The following CROCC2 variants were observed in gnomAD, a reference collection of about 807,000 sequenced individuals.
CROCC2 encodes ciliary rootlet coiled-coil protein 2.
A neutral mutation model predicts 177.6 loss-of-function variants in CROCC2; 163 were observed. That is an observed-to-expected ratio of 0.92 (90% CI 0.81 to 1.05). The LOEUF is 1.05. CROCC2 is among the 50% of genes least tolerant of loss of function. The pLI, the probability that CROCC2 is intolerant of heterozygous loss-of-function variation, is 0.00. For synonymous variants in CROCC2, 904 were observed against 787.3 expected, an observed-to-expected ratio of 1.15 and a Z score of -2.48; for missense variants, 1,929 against 1,797.8, an observed-to-expected ratio of 1.07 and a Z score of -1.32.
At chr2:240,989,590 G>A (rs2059863305) in intron 29 of CROCC2, 64 bp from the exon 30 acceptor site, 1 of 1,462,026 alleles carries the variant, frequency 6.8e-7, no homozygotes, top group South Asian at 1.3e-5. Context: ...TGGCACTCCT[G>A]CCCTGGGATT....
At chr2:240,969,912 A>G (rs1444027244) in intron 27 of CROCC2, among the ~76,000 whole-genome samples, 2 of 152,166 alleles carry the variant, frequency 1.3e-5, no homozygotes, top group African/African-American at 4.8e-5. Flanking sequence ...TATTTTTAGT[A>G]GAGACAGGTT....
rs1021568906 is a variant in CROCC2 at position 240,958,598 on chromosome 2, G to A, written c.2944-703G>A. On this transcript the variant is annotated intron_variant, in intron 19 of 31. Transcript: ENST00000690015. This position sits in a 1 kb window ranked among gnomAD's most constrained non-coding sequence, Gnocchi z 6.7. ...AGCCGCCCCCCGCCAGCCGCCTGCT[G>A]CTGCCTGGAGGCTTGGTCCAGTCCC... 3 of 985,152 alleles carry A rather than the reference G, an allele frequency of 3.0e-6. No homozygotes were observed. In the African/African-American group the frequency reaches 5.2e-5, roughly 17 times the overall value. 61.0% of individuals were successfully genotyped at this position (985,152 alleles called of 1,614,324 possible).
At chr2:240,954,717 G>A (rs755085763) in intron 18 of CROCC2, 1 of 152,210 alleles carries the variant, frequency 6.6e-6, no homozygotes, top group Non-Finnish European at 1.5e-5. Flanking sequence ...CTGGGAGGTT[G>A]GGCTGACATC....
Position 240,968,150 on chromosome 2 carries a change from C to G in CROCC2, c.4289C>G (p.Ala1430Gly), listed in dbSNP as rs771368144. Residue 1430 changes from alanine (A) to glycine (G), a missense_variant, in exon 27 of 32, where the codon GCG becomes GGG. Ala to Gly is a moderately conservative substitution (Grantham distance 60). Around this residue, in one of 3 missense-constraint regions of CROCC2, gnomAD observed 388 missense variants for 352.7 expected, o/e 1.10. Coordinates refer to ENST00000690015, the MANE Select transcript of CROCC2 (RefSeq NM_001351305.2). The part of the protein sequence containing the change: ...AEEGQRRVEG[A>G]LSSARAARAL... ...ACAGGCCAGCGCCGGGTGGAGGGCG[C>G]GCTGAGCAGCGCCCGGGCAGCACGT... The G allele has an allele frequency of 1.3e-6, 2 of 1,510,006 alleles. No individual in the cohort carries two copies. The highest frequency in any genetic ancestry group is 2.8e-5 in the African/African-American group (2 of 71,818). The allele number at this position is 1,510,006 out of a possible 1,614,324, so 93.5% of individuals were successfully genotyped here.
At chr2:240,990,019 G>A (rs1346891416) in intron 30 of CROCC2, among the ~76,000 whole-genome samples, 186 bp downstream of exon 30, 2 of 152,200 alleles carry the variant, frequency 1.3e-5, no homozygotes. Context: ...GACGGCACGA[G>A]GTTTATCCCA....
At chr2:240,910,912 C>G (rs1026641650) in intron 1 of CROCC2, among the ~76,000 whole-genome samples, 4 of 152,132 alleles carry the variant, frequency 2.6e-5, no homozygotes, top group Non-Finnish European at 4.4e-5. Flanking sequence ...GGGCGGATCG[C>G]TTGAGGTCAG....
At chr2:240,933,101 A>G (rs1224699981) in intron 9 of CROCC2, 30 bp from the exon 10 acceptor site, 2 of 1,548,956 alleles carry the variant, frequency 1.3e-6, no homozygotes, top group Non-Finnish European at 8.7e-7. Context: ...CCTAGGCCAG[A>G]GAGGCCCACA....
chr2:240,964,393 C>T (rs2059662763), intron 21 of CROCC2, 73 bp from the exon 22 acceptor site: 1 of 1,526,950 alleles, frequency 6.5e-7, no homozygotes. Flanking sequence ...CTAGGGGAGG[C>T]AGAGACCTGC....
intron 9 of CROCC2, 84 bp from the exon 10 acceptor site, chr2:240,933,047 C>G: frequency 6.5e-7 from 1 of 1,527,108 alleles, no homozygotes; most frequent in Non-Finnish European, 8.9e-7. Context: ...GGTGTCCTTT[C>G]TGGGGAGTCG....
chr2:240,985,684 A>C (rs1559192809), intron 28 of CROCC2, among the ~76,000 whole-genome samples: 2 of 63,784 alleles, frequency 3.1e-5, no homozygotes, highest in African/African-American at 1.5e-4. Flanking sequence ...CACTCACTCC[A>C]CACACACCCA....
intron 14 of CROCC2, among the ~76,000 whole-genome samples, chr2:240,945,492 T>A (rs915571268): frequency 6.6e-6 from 1 of 152,136 alleles, no homozygotes; most frequent in Non-Finnish European, 1.5e-5. Flanking sequence ...AAGTTCTTCT[T>A]GGCATCTCAA....
At position 240,934,413 on chromosome 2, in the gene CROCC2, G is replaced by A; in HGVS notation, c.1729G>A (p.Ala577Thr). 1 of 1,548,704 alleles carries A rather than the reference G, an allele frequency of 6.5e-7. No homozygotes were observed. The highest frequency in any genetic ancestry group is 8.7e-7 in the Non-Finnish European group (1 of 1,146,902). ...ATCGGTCCGGGAGGCACTGAGCACAGCACAGCTGCAGCGGGATGTCGTGGA... is the reference window on the plus strand; with the variant it reads ...ATCGGTCCGGGAGGCACTGAGCACAACACAGCTGCAGCGGGATGTCGTGGA... ...LASVREALST[A>T]QLQRDVVESE... The change falls in exon 12 of 32, where the codon GCA becomes ACA. Residue 577 changes from alanine to threonine, a missense_variant. Around this residue, in one of 3 missense-constraint regions of CROCC2, gnomAD observed 1,397 missense variants for 1,239.9 expected, o/e 1.13. Coordinates refer to ENST00000690015, the MANE Select transcript of CROCC2 (RefSeq NM_001351305.2).
In CROCC2 at chr2:240,949,677, C is replaced by T. The variant is rs769660888; in HGVS notation, c.2627C>T (p.Ala876Val). The T allele has an allele frequency of 1.6e-5, 24 of 1,548,236 alleles. No individual in the cohort carries two copies. In the African/African-American group the frequency reaches 2.9e-4, roughly 19 times the overall value. Residue 876 changes from alanine to valine, a missense_variant, in exon 17 of 32, where the codon GCC (alanine) becomes GTC (valine). By Grantham distance (64) the Ala-to-Val change is moderately conservative. This residue lies in a region of CROCC2 where 1,397 missense variants were observed against 1,239.9 expected (regional missense o/e 1.13). Transcript: ENST00000690015. This position sits in a 1 kb window ranked among gnomAD's most constrained non-coding sequence, Gnocchi z 4.5. ...LESQALAHRE[A>V]LAQLQREKET... Reference sequence around the variant, plus strand: ...AGCCAGGCGTTGGCCCACCGAGAGGCCCTGGCACAGCTCCAAAGGGAGAAG... The same window carrying T: ...AGCCAGGCGTTGGCCCACCGAGAGGTCCTGGCACAGCTCCAAAGGGAGAAG...
At position 240,973,943 on chromosome 2, in the gene CROCC2, C is replaced by T. The variant is rs2059741122; in HGVS notation, c.4401+5681C>T. On this transcript the variant is annotated intron_variant, in intron 27 of 31. Coordinates refer to ENST00000690015, the MANE Select transcript of CROCC2 (RefSeq NM_001351305.2). This position sits in a 1 kb window ranked among gnomAD's most constrained non-coding sequence, Gnocchi z 4.7. Reference sequence around the variant, plus strand: ...TCCGCAGCTGTCATCATAAAGAATACACTTTAATTCCCTTTCCAATCTCTT... The same window carrying T: ...TCCGCAGCTGTCATCATAAAGAATATACTTTAATTCCCTTTCCAATCTCTT... 6.6e-6 allele frequency among the ~76,000 whole-genome samples: 1 copy of T among 152,228 alleles called. No individual in the cohort carries two copies. The highest frequency in any genetic ancestry group is 2.4e-5 in the African/African-American group (1 of 41,452).
At chr2:240,919,814 C>G (rs1476727048) in intron 2 of CROCC2, among the ~76,000 whole-genome samples, 169 bp from the exon 3 acceptor site, 1 of 152,170 alleles carries the variant, frequency 6.6e-6, no homozygotes, top group Non-Finnish European at 1.5e-5. Context: ...GTCTGCCTCC[C>G]TATGTTAGGG....
rs1477367812 is a variant in CROCC2 at position 240,985,759 on chromosome 2, A to G, written c.4551+2730A>G. The stretch of plus-strand genomic sequence containing the variant: ...ACACACACACCCAGGCACTCACTCC[A>G]CACACACCCAGGCACTCAGCACACA... On this transcript the variant is annotated intron_variant, in intron 28 of 31. Coordinates refer to ENST00000690015, the MANE Select transcript of CROCC2 (RefSeq NM_001351305.2). 1.6e-4 allele frequency: 48 copies of G among 308,826 alleles called. 1 individual carries two copies. Among genetic ancestry groups the G allele is most frequent in the Non-Finnish European group, 2.9e-4 (45 of 157,378 alleles). 19.1% of individuals were successfully genotyped at this position (308,826 alleles called of 1,614,324 possible). A position where few individuals can be genotyped will look rare whatever the true frequency, so the allele number is the denominator to read the frequency against.
chr2:240,962,512 C>A (rs1052752711), intron 20 of CROCC2, among the ~76,000 whole-genome samples: 1 of 151,980 alleles, frequency 6.6e-6, no homozygotes, highest in Non-Finnish European at 1.5e-5. Flanking sequence ...AGGGGAGGCT[C>A]TGGCCCTTCC....
In CROCC2 at chr2:240,932,425, A is replaced by G. The variant is rs61426101; in HGVS notation, c.1044+11A>G. ...GACCTGCAGAACCTGGTTGGTGGGCAGGACGGGGGTGGCTGTGTGGCAGGG... is the reference window on the plus strand; with the variant it reads ...GACCTGCAGAACCTGGTTGGTGGGCGGGACGGGGGTGGCTGTGTGGCAGGG... On this transcript the variant is annotated intron_variant, in intron 8 of 31. Coordinates refer to ENST00000690015, the MANE Select transcript of CROCC2 (RefSeq NM_001351305.2). 0.02 allele frequency: 14,232 copies of G among 717,430 alleles called. 1,317 individuals are homozygous for G. In the African/African-American group the frequency reaches 0.21, roughly 11 times the overall value. The allele number at this position is 717,430 out of a possible 1,614,324, so 44.4% of individuals were successfully genotyped here.
chr2:240,943,482 C>CT (rs374737398), intron 14 of CROCC2, among the ~76,000 whole-genome samples: 4,622 of 136,594 alleles, frequency 0.034, 211 homozygotes, highest in African/African-American at 0.11. Flanking sequence ...TTAGCTAAAG[C>CT]TTTTTTTTTT....
Sources: gnomAD v4.1 joint callset for allele counts (sites outside exome capture counted in the v4.1 genomes callset) on GRCh38, gnomAD v4.1.1 for gene constraint, gnomAD v4.1.1 regional missense constraint, Gnocchi (gnomAD v3.1) non-coding constraint, MANE v1.5 for transcripts, NCBI Gene and HGNC (gene_info 2026-07-23, HGNC 2026-07-21) for gene names.